The following PIEZO2 variants were observed in gnomAD, a reference collection of about 807,000 sequenced individuals.
PIEZO2 encodes piezo type mechanosensitive ion channel component 2.
Under a neutral mutation model 337.3 loss-of-function variants are expected in PIEZO2, and 172 were observed. The observed-to-expected ratio is 0.51, with a 90% confidence interval of 0.45 to 0.58. PIEZO2 has a LOEUF of 0.58. PIEZO2 is among the 20% of genes least tolerant of loss of function. PIEZO2 has a pLI of 0.00. For synonymous variants in PIEZO2, 1,251 were observed against 1,228.5 expected (o/e 1.02, Z -0.38); for missense variants, 3,028 against 3,391.3 (o/e 0.89, Z 2.66).
At position 10,701,826 on chromosome 18, in the gene PIEZO2, T is replaced by C. The variant is rs918218843; in HGVS notation, c.6441+163A>G. 1.7e-4 allele frequency: 85 copies of C among 493,812 alleles called. 1 individual carries two copies. The highest frequency in any genetic ancestry group is 2.5e-4 in the Non-Finnish European group (78 of 316,578). 30.6% of individuals were successfully genotyped at this position (493,812 alleles called of 1,614,324 possible). On this transcript the variant is annotated intron_variant, in intron 43 of 55. Coordinates refer to ENST00000674853, the MANE Select transcript of PIEZO2 (RefSeq NM_001378183.1). ...GCTAAATGAACTTAACCTTTTTCTT[T>C]TCTCTCTCTTTTTTTTTTTAAAAAA...
At position 10,980,146 on chromosome 18, in the gene PIEZO2, T is replaced by G. The variant is rs2034610784; in HGVS notation, c.161-486A>C. 6.6e-6 allele frequency among the ~76,000 whole-genome samples: 1 copy of G among 152,044 alleles called. No homozygotes were observed. Among genetic ancestry groups the G allele is most frequent in the African/African-American group, 2.4e-5 (1 of 41,420 alleles). On this transcript the variant is annotated intron_variant, in intron 2 of 55. Coordinates refer to ENST00000674853, the MANE Select transcript of PIEZO2 (RefSeq NM_001378183.1). The surrounding 1 kb of genome is among the most constrained non-coding windows in gnomAD (Gnocchi z 4.8). ...TACTCATAACATAGATATGAATTAT[T>G]TTTTTTAAATGTGTTAACCAACTGA...
At chr18:11,119,056 T>A (rs2039963699) in intron 1 of PIEZO2, among the ~76,000 whole-genome samples, 2 of 152,052 alleles carry the variant, frequency 1.3e-5, no homozygotes, top group East Asian at 3.9e-4. Context: ...GAGAGTTGAA[T>A]CTACATCTTC....
chr18:10,923,870 A>T (rs990196517), intron 3 of PIEZO2, among the ~76,000 whole-genome samples: 5 of 152,186 alleles, frequency 3.3e-5, no homozygotes, highest in African/African-American at 9.7e-5. Flanking sequence ...CAGATATCAT[A>T]TTGGGACACG....
chr18:11,100,472 AG>A (rs1196044741), intron 1 of PIEZO2, among the ~76,000 whole-genome samples: 1 of 152,250 alleles, frequency 6.6e-6, no homozygotes, highest in Non-Finnish European at 1.5e-5. Context: ...GTAAATACCA[AG>A]GGCACCACAT....
chr18:10,803,785 GAT>G, intron 9 of PIEZO2, 88 bp downstream of exon 9: 1 of 1,427,338 alleles, frequency 7.0e-7, no homozygotes, highest in Non-Finnish European at 9.3e-7. Flanking sequence ...AATATGATAT[GAT>G]ATATATGATA....
intron 4 of PIEZO2, among the ~76,000 whole-genome samples, chr18:10,886,559 T>C (rs1277436139): frequency 1.5e-5 from 2 of 131,856 alleles, no homozygotes; most frequent in Non-Finnish European, 3.1e-5. Context: ...ATGATACAGG[T>C]TAATTTATAA....
chr18:10,733,856 AATTTACAT>A (rs2036889079), intron 35 of PIEZO2, among the ~76,000 whole-genome samples: 1 of 152,208 alleles, frequency 6.6e-6, no homozygotes, highest in South Asian at 2.1e-4. Context: ...AATACATGGA[AATTTACAT>A]GAAAGACCTT....
intron 3 of PIEZO2, among the ~76,000 whole-genome samples, chr18:10,912,179 A>G (rs894180066): frequency 5.3e-5 from 8 of 152,192 alleles, no homozygotes; most frequent in Admixed American, 3.3e-4. Flanking sequence ...AAGATGTTAT[A>G]CAATTTTTCT....
Position 10,895,316 on chromosome 18 carries a change from C to T in PIEZO2, c.329+15870G>A, listed in dbSNP as rs938176965. 4.6e-5 allele frequency among the ~76,000 whole-genome samples: 7 copies of T among 151,846 alleles called. No individual in the cohort carries two copies. The highest frequency in any genetic ancestry group is 9.7e-5 in the African/African-American group (4 of 41,312). ...CAAAAATTAGCTGGGTATGTTGGTG[C>T]GCACCTGTAATAACAGCTACTCGGG... On this transcript the variant is annotated intron_variant, in intron 4 of 55. Coordinates refer to ENST00000674853, the MANE Select transcript of PIEZO2 (RefSeq NM_001378183.1). The surrounding 1 kb of genome is among the most constrained non-coding windows in gnomAD (Gnocchi z 4.8).
chr18:10,986,271 G>T (rs1046882708), intron 2 of PIEZO2, among the ~76,000 whole-genome samples: 3 of 151,886 alleles, frequency 2.0e-5, no homozygotes, highest in South Asian at 2.1e-4. Context: ...TGACAGAAAA[G>T]AATTCTACTA....
intron 3 of PIEZO2, among the ~76,000 whole-genome samples, chr18:10,924,540 CG>C (rs2145154139): frequency 6.6e-6 from 1 of 152,230 alleles, no homozygotes; most frequent in South Asian, 2.1e-4. Context: ...TCCTATGTTG[CG>C]GCCCCACACG....
intron 36 of PIEZO2, chr18:10,725,392 C>T: frequency 1.9e-6 from 3 of 1,605,878 alleles, no homozygotes; most frequent in Non-Finnish European, 2.6e-6. Flanking sequence ...AACAGCCGGC[C>T]CACATTGGCG....
chr18:11,045,169 C>A (rs896737923), intron 2 of PIEZO2, among the ~76,000 whole-genome samples: 3 of 151,402 alleles, frequency 2.0e-5, no homozygotes, highest in African/African-American at 7.3e-5. Flanking sequence ...TGGTGGCAGG[C>A]GACTGTAGTC....
intron 2 of PIEZO2, among the ~76,000 whole-genome samples, chr18:10,983,998 G>A (rs1455905604): frequency 6.6e-6 from 1 of 152,126 alleles, no homozygotes; most frequent in African/African-American, 2.4e-5. Context: ...TGGAGCAGGT[G>A]CATCCATAGA....
chr18:11,130,531 G>A (rs1433588514), intron 1 of PIEZO2, among the ~76,000 whole-genome samples: 2 of 152,176 alleles, frequency 1.3e-5, no homozygotes, highest in African/African-American at 4.8e-5. Flanking sequence ...ATATCAAACT[G>A]GTCCATTACA....
At chr18:10,913,611 T>C (rs2030672796) in intron 3 of PIEZO2, among the ~76,000 whole-genome samples, 1 of 152,224 alleles carries the variant, frequency 6.6e-6, no homozygotes, top group African/African-American at 2.4e-5. Context: ...TAAATGATTT[T>C]GCTATACTAT....
intron 4 of PIEZO2, among the ~76,000 whole-genome samples, chr18:10,874,191 A>T (rs1360355556): frequency 6.6e-6 from 1 of 152,192 alleles, no homozygotes. Context: ...AGACATACAA[A>T]TGGACAACAG....
At chr18:10,681,832 T>C (rs1269108818) in intron 50 of PIEZO2, 79 bp from the exon 51 acceptor site, 2 of 1,233,004 alleles carry the variant, frequency 1.6e-6, no homozygotes, top group African/African-American at 1.5e-5. Context: ...AACATTTATG[T>C]AGGATATCAG....
rs2032680899 is a variant in PIEZO2, at chr18:10,940,716, G to A, written c.287-29488C>T. Among the ~76,000 whole-genome samples the A allele has an allele frequency of 6.6e-6, 1 of 152,162 alleles. No homozygotes were observed. Among genetic ancestry groups the A allele is most frequent in the Admixed American group, 6.5e-5 (1 of 15,270 alleles). On this transcript the variant is annotated intron_variant, in intron 3 of 55. Coordinates refer to ENST00000674853, the MANE Select transcript of PIEZO2 (RefSeq NM_001378183.1). The surrounding 1 kb of genome is among the most constrained non-coding windows in gnomAD (Gnocchi z 5.3). Reference sequence around the variant, plus strand: ...ATCTCTACTAAAAAGACAAAAATTAGCTGGGCATGGTGGCTCGCGCCTGTA... The same window carrying A: ...ATCTCTACTAAAAAGACAAAAATTAACTGGGCATGGTGGCTCGCGCCTGTA...
Sources: gnomAD v4.1 joint callset for allele counts (sites outside exome capture counted in the v4.1 genomes callset) on GRCh38, gnomAD v4.1.1 for gene constraint, Gnocchi (gnomAD v3.1) non-coding constraint, MANE v1.5 for transcripts, NCBI Gene and HGNC (gene_info 2026-07-23, HGNC 2026-07-21) for gene names.